The following FAF1 variants were observed in gnomAD, a reference collection of about 807,000 sequenced individuals.
The protein encoded by FAF1 is FAS-associated factor 1.
A neutral mutation model predicts 92.5 loss-of-function variants in FAF1; 25 were observed. The ratio of observed to expected loss-of-function variants is 0.27; its 90% confidence interval spans 0.20 to 0.38. The LOEUF is 0.38. Among genes scored for constraint, FAF1 ranks in the 10% least tolerant of loss-of-function variants. FAF1 has a pLI of 1.00. For synonymous variants in FAF1, 234 were observed against 273.2 expected (o/e 0.86, Z 1.42); for missense variants, 636 against 793.3 (o/e 0.80, Z 2.38).
In FAF1 at chr1:50,855,769, T is replaced by A. The variant is rs1436922780; in HGVS notation, c.114+2160A>T. 2.6e-5 allele frequency among the ~76,000 whole-genome samples: 4 copies of A among 152,002 alleles called. No homozygotes were observed. The East Asian group carries it at 7.7e-4, about 29-fold the overall frequency. ...CTTTACTGTGAATAAAAGTGAATTATTTGTGAAGAAAAGCCAGCTAGGAGA... is the reference window on the plus strand; with the variant it reads ...CTTTACTGTGAATAAAAGTGAATTAATTGTGAAGAAAAGCCAGCTAGGAGA... On this transcript the variant is annotated intron_variant, in intron 2 of 18. Coordinates refer to ENST00000396153, the MANE Select transcript of FAF1 (RefSeq NM_007051.3).
intron 1 of FAF1, among the ~76,000 whole-genome samples, chr1:50,879,645 T>C (rs1644596298): frequency 6.6e-6 from 1 of 152,226 alleles, no homozygotes; most frequent in African/African-American, 2.4e-5. Flanking sequence ...GTAATTGTCT[T>C]TTGAGGCTAG....
intron 9 of FAF1, among the ~76,000 whole-genome samples, chr1:50,588,975 C>T (rs1260743396): frequency 6.6e-6 from 1 of 152,158 alleles, no homozygotes. Context: ...TGCTTATCCT[C>T]AATTGCAGGG....
At chr1:50,907,309 G>A (rs910842918) in intron 1 of FAF1, among the ~76,000 whole-genome samples, 93 of 152,226 alleles carry the variant, frequency 6.1e-4, no homozygotes, top group African/African-American at 2.0e-3. Flanking sequence ...TTTCTGCATC[G>A]ATGTTCATCA....
At chr1:50,795,212 A>G (rs1408977619) in intron 3 of FAF1, among the ~76,000 whole-genome samples, 1 of 152,208 alleles carries the variant, frequency 6.6e-6, no homozygotes, top group Admixed American at 6.5e-5. Context: ...TTGAGTCCCC[A>G]ATAAGGTGCC....
chr1:50,778,924 T>C (rs986557016), intron 4 of FAF1, among the ~76,000 whole-genome samples: 2 of 152,232 alleles, frequency 1.3e-5, no homozygotes, highest in Non-Finnish European at 2.9e-5. Context: ...CATATGATGC[T>C]GTTTGATAGT....
rs11488180 is a variant in FAF1 at position 50,760,555 on chromosome 1, A to G, written c.368-15780T>C. On this transcript the variant is annotated intron_variant, in intron 4 of 18. Coordinates refer to ENST00000396153, the MANE Select transcript of FAF1 (RefSeq NM_007051.3). The stretch of plus-strand genomic sequence containing the variant: ...AACTCATTTAAAACTGCTCAACTAC[A>G]TGGAAACTGAACAACCTGCTCCTGA... 9.8e-3 allele frequency among the ~76,000 whole-genome samples: 1,494 copies of G among 152,330 alleles called. 22 individuals carry two copies. The highest frequency in any genetic ancestry group is 0.034 in the African/African-American group (1,417 of 41,556).
chr1:50,541,789 G>A (rs1312522057), intron 13 of FAF1, among the ~76,000 whole-genome samples: 8 of 151,906 alleles, frequency 5.3e-5, no homozygotes, highest in African/African-American at 9.7e-5. Flanking sequence ...AAAAAAAAAG[G>A]GAAAAGCAGG....
intron 6 of FAF1, among the ~76,000 whole-genome samples, chr1:50,717,986 CCTTT>C (rs1162332388): frequency 2.8e-5 from 4 of 143,616 alleles, no homozygotes; most frequent in Non-Finnish European, 3.0e-5. Context: ...AAAATACAAT[CCTTT>C]ATTTATTTAT....
At chr1:50,442,857 G>A (rs1420661187) in intron 18 of FAF1, among the ~76,000 whole-genome samples, 2 of 152,146 alleles carry the variant, frequency 1.3e-5, no homozygotes, top group African/African-American at 2.4e-5. Flanking sequence ...AGACACATCC[G>A]CCCCTGGAAT....
intron 13 of FAF1, among the ~76,000 whole-genome samples, chr1:50,554,390 T>TATATATATAGAGAGAGAG: frequency 1.8e-4 from 17 of 93,688 alleles, no homozygotes; most frequent in African/African-American, 5.7e-4. Context: ...TATATATATA[T>TATATATATAGAGAGAGAG]AGAGAGAGAG....
rs1439769164 is a variant in FAF1, at chr1:50,891,811, A to C, written c.46-33814T>G. Among the ~76,000 whole-genome samples the C allele has an allele frequency of 2.6e-5, 4 of 152,324 alleles. No homozygotes were observed. In the South Asian group the frequency reaches 6.2e-4, roughly 24 times the overall value. ...GTTAGGCTACTCAGGGGTGAGGGAC[A>C]CACTTGAGGAGGCAGTCTGTCCGTT... On this transcript the variant is annotated intron_variant, in intron 1 of 18. Transcript: ENST00000396153.
At chr1:50,584,264 T>C (rs1442913213) in intron 10 of FAF1, among the ~76,000 whole-genome samples, 1 of 152,116 alleles carries the variant, frequency 6.6e-6, no homozygotes, top group African/African-American at 2.4e-5. Flanking sequence ...AGATGGTACA[T>C]TTAGTTTACT....
intron 7 of FAF1, among the ~76,000 whole-genome samples, chr1:50,701,070 T>A (rs1254793497): frequency 6.6e-6 from 1 of 152,122 alleles, no homozygotes; most frequent in Non-Finnish European, 1.5e-5. Context: ...AAAAGATGCA[T>A]AATCGTCTTT....
intron 2 of FAF1, among the ~76,000 whole-genome samples, chr1:50,838,601 A>G (rs1570032850): frequency 6.7e-6 from 1 of 149,440 alleles, no homozygotes; most frequent in East Asian, 1.9e-4. Flanking sequence ...ATTATAAATT[A>G]TAAATACACA....
In FAF1 at chr1:50,475,551, G is replaced by A; in HGVS notation, c.1782C>T (p.Asn594=). ...CAAAATCAAAGACAATCTGGAGCTT[G>A]TTGCTGGCCAGGAAACGCCGCTCCA... The part of the protein sequence containing the change: ...EFLERRFLAS[N]KLQIVFDFVA... Residue 594 remains asparagine, a synonymous_variant, in exon 18 of 19, where the codon AAC becomes AAT. Coordinates refer to ENST00000396153, the MANE Select transcript of FAF1 (RefSeq NM_007051.3). 6.2e-7 allele frequency: 1 copy of A among 1,614,126 alleles called. No homozygotes were observed. Among genetic ancestry groups the A allele is most frequent in the East Asian group, 2.2e-5 (1 of 44,874 alleles).
intron 15 of FAF1, among the ~76,000 whole-genome samples, chr1:50,494,325 A>G (rs1237099317): frequency 6.6e-6 from 1 of 152,232 alleles, no homozygotes; most frequent in Non-Finnish European, 1.5e-5. Flanking sequence ...CACTTCATGT[A>G]TAAATTTGTT....
At chr1:50,561,894 G>GAAGGAAGT (rs1224908451) in intron 13 of FAF1, among the ~76,000 whole-genome samples, 3 of 143,064 alleles carry the variant, frequency 2.1e-5, no homozygotes, top group South Asian at 2.2e-4. Context: ...AGGAAGGAAG[G>GAAGGAAGT]AAGTTGTGTA....
At chr1:50,616,996 T>C in intron 8 of FAF1, among the ~76,000 whole-genome samples, 1 of 152,208 alleles carries the variant, frequency 6.6e-6, no homozygotes, top group Non-Finnish European at 1.5e-5. Flanking sequence ...ATTGATTTTA[T>C]ATCCAGAAAC....
chr1:50,538,943 T>C (rs1648624417), intron 14 of FAF1, among the ~76,000 whole-genome samples: 1 of 152,218 alleles, frequency 6.6e-6, no homozygotes, highest in Non-Finnish European at 1.5e-5. Flanking sequence ...CTTGAAAATC[T>C]TTTCCCCAGT....
Sources: allele counts gnomAD v4.1 joint callset (sites outside exome capture counted in the v4.1 genomes callset), GRCh38; gene constraint gnomAD v4.1.1; transcripts MANE v1.5; gene names NCBI Gene and HGNC (gene_info 2026-07-23, HGNC 2026-07-21).